The following DISC1 variants were observed in gnomAD, a reference collection of about 807,000 sequenced individuals.
DISC1 encodes DISC1 scaffold protein, also known as disrupted in schizophrenia 1 protein.
DISC1 carries 57 observed loss-of-function variants against 84.5 expected under a neutral mutation model. That is an observed-to-expected ratio of 0.67 (90% CI 0.55 to 0.84). The LOEUF is 0.84. Ranked by LOEUF, DISC1 falls within the 40% of genes least tolerant of loss-of-function variation. The probability of loss-of-function intolerance (pLI) is 0.00; values close to 1 mark genes in which losing one functional copy is unlikely to be tolerated. For synonymous variants in DISC1, 411 were observed against 415.2 expected (o/e 0.99, Z 0.12); for missense variants, 1,000 against 1,057.8 (o/e 0.95, Z 0.76).
chr1:231,710,524 T>C (rs2067689284), intron 3 of DISC1, among the ~76,000 whole-genome samples: 1 of 152,354 alleles, frequency 6.6e-6, no homozygotes, highest in African/African-American at 2.4e-5. Flanking sequence ...CTTAGTCTGC[T>C]TGGACTGCCA....
intron 9 of DISC1, among the ~76,000 whole-genome samples, chr1:231,913,071 C>T (rs2126060292): frequency 6.6e-6 from 1 of 152,140 alleles, no homozygotes; most frequent in African/African-American, 2.4e-5. Flanking sequence ...CTATGCCCAG[C>T]TAATTTTTTA....
rs568609429 is a variant in DISC1, at chr1:232,017,267, C to G, written c.2307+8218C>G. On this transcript the variant is annotated intron_variant, in intron 11 of 12. Coordinates refer to ENST00000439617, the MANE Select transcript of DISC1 (RefSeq NM_018662.3). The stretch of plus-strand genomic sequence containing the variant: ...AGCTCATGGATGGGGGTAATCACAT[C>G]TGGTTTACCTCAAGCCAGAGGAGAA... Among the ~76,000 whole-genome samples the G allele has an allele frequency of 2.0e-5, 3 of 152,256 alleles. No homozygotes were observed. The East Asian group carries it at 5.8e-4, about 29-fold the overall frequency.
chr1:231,740,465 G>T (rs183195803), intron 3 of DISC1, among the ~76,000 whole-genome samples: 2 of 152,168 alleles, frequency 1.3e-5, no homozygotes, highest in East Asian at 3.9e-4. Context: ...CATGACTCAG[G>T]AGCAGAGTGC....
intron 9 of DISC1, among the ~76,000 whole-genome samples, chr1:231,886,758 C>T (rs1226964874): frequency 3.1e-5 from 3 of 95,760 alleles, no homozygotes; most frequent in African/African-American, 1.2e-4. Context: ...TTCCTTTCTT[C>T]CTTCCTTCCT....
chr1:231,895,450 G>C (rs1367017450), intron 9 of DISC1, among the ~76,000 whole-genome samples: 1 of 151,844 alleles, frequency 6.6e-6, no homozygotes, highest in Non-Finnish European at 1.5e-5. Flanking sequence ...ATATATGAGA[G>C]AGATAAATAA....
chr1:231,856,584 T>C (rs2125913918), intron 9 of DISC1, among the ~76,000 whole-genome samples: 1 of 152,294 alleles, frequency 6.6e-6, no homozygotes, highest in East Asian at 1.9e-4. Context: ...ACCTTCTAGT[T>C]GAAAACCTGC....
At chr1:231,926,119 C>A (rs2090346336) in intron 9 of DISC1, among the ~76,000 whole-genome samples, 1 of 152,168 alleles carries the variant, frequency 6.6e-6, no homozygotes, top group Non-Finnish European at 1.5e-5. Context: ...TTAGTTATTC[C>A]ATTTCTATGA....
intron 4 of DISC1, among the ~76,000 whole-genome samples, chr1:231,753,862 A>G (rs1340469043): frequency 6.6e-6 from 1 of 152,198 alleles, no homozygotes; most frequent in African/African-American, 2.4e-5. Flanking sequence ...CTTCCACCAG[A>G]TACCCTAAAT....
intron 9 of DISC1, among the ~76,000 whole-genome samples, chr1:231,895,931 C>G (rs2087649687): frequency 6.6e-6 from 1 of 152,164 alleles, no homozygotes. Context: ...TCATGCTGCT[C>G]CCTGGTCTAG....
chr1:232,019,562 G>A (rs1056123024), intron 11 of DISC1, among the ~76,000 whole-genome samples: 1 of 152,092 alleles, frequency 6.6e-6, no homozygotes, highest in African/African-American at 2.4e-5. Context: ...AGTCTTGCAG[G>A]CTTTCTCTTT....
At chr1:231,736,427 T>C (rs2072503933) in intron 3 of DISC1, among the ~76,000 whole-genome samples, 1 of 152,260 alleles carries the variant, frequency 6.6e-6, no homozygotes, top group African/African-American at 2.4e-5. Flanking sequence ...TTAAAGTTTC[T>C]GAATTTCACT....
In DISC1 at chr1:231,788,072, CAG is replaced by C. The variant is rs1239771085; in HGVS notation, c.1635-7169_1635-7168del. Among the ~76,000 whole-genome samples the C allele has an allele frequency of 1.6e-4, 24 of 152,300 alleles. 1 individual carries two copies. The East Asian group carries it at 4.6e-3, about 29-fold the overall frequency. ...CTGAGGTGGGTGGATCACTTGAGGT[CAG>C]GAGTTTGAGACCAGTCTGGATAATA... On this transcript the variant is annotated intron_variant, in intron 6 of 12. Coordinates refer to ENST00000439617, the MANE Select transcript of DISC1 (RefSeq NM_018662.3).
chr1:231,948,319 G>A (rs1248114897), intron 9 of DISC1, among the ~76,000 whole-genome samples: 2 of 152,074 alleles, frequency 1.3e-5, no homozygotes, highest in African/African-American at 4.8e-5. Flanking sequence ...GATGGATGAA[G>A]CTCGAAACCA....
chr1:231,870,805 T>G (rs903432240), intron 9 of DISC1, among the ~76,000 whole-genome samples: 2 of 152,240 alleles, frequency 1.3e-5, no homozygotes, highest in African/African-American at 4.8e-5. Context: ...CTGTTGTCAT[T>G]TCCTCCACAA....
chr1:231,713,719 TATATAGGAGATATATAC>T (rs1188807000), intron 3 of DISC1, among the ~76,000 whole-genome samples: 3 of 126,532 alleles, frequency 2.4e-5, no homozygotes, highest in Admixed American at 8.2e-5. Context: ...TATATATATA[TATATAGGAGATATATAC>T]ATATATATAG....
At chr1:231,709,494 A>G (rs1469277010) in intron 3 of DISC1, among the ~76,000 whole-genome samples, 3 of 151,984 alleles carry the variant, frequency 2.0e-5, no homozygotes, top group African/African-American at 7.3e-5. Context: ...CCTAACTGCC[A>G]TGTCGTGGTG....
intron 11 of DISC1, among the ~76,000 whole-genome samples, chr1:232,010,658 G>A (rs958311058): frequency 6.6e-5 from 10 of 152,156 alleles, no homozygotes; most frequent in African/African-American, 1.9e-4. Flanking sequence ...ACATGACACA[G>A]GAGCCTGCAA....
intron 9 of DISC1, among the ~76,000 whole-genome samples, chr1:231,879,346 G>T (rs972631906): frequency 7.2e-5 from 11 of 151,792 alleles, no homozygotes; most frequent in Non-Finnish European, 1.5e-5. Context: ...GGGACTTAAG[G>T]TATACATATG....
chr1:232,000,715 T>C (rs1280408363), intron 10 of DISC1, among the ~76,000 whole-genome samples: 1 of 152,076 alleles, frequency 6.6e-6, no homozygotes, highest in African/African-American at 2.4e-5. Context: ...TTACTACCTA[T>C]AGGGAAACAA....
Sources: allele counts gnomAD v4.1 joint callset (sites outside exome capture counted in the v4.1 genomes callset), GRCh38; gene constraint gnomAD v4.1.1; transcripts MANE v1.5; gene names NCBI Gene and HGNC (gene_info 2026-07-23, HGNC 2026-07-21).